SUGCT: variants seen among roughly 807,000 people sequenced by gnomAD.
SUGCT encodes succinyl-CoA:glutarate CoA-transferase.
Under a neutral mutation model 55.0 loss-of-function variants are expected in SUGCT, and 41 were observed. The observed-to-expected ratio is 0.74, with a 90% confidence interval of 0.58 to 0.97. The LOEUF (loss-of-function observed/expected upper bound fraction) is 0.97, where lower values mean the gene tolerates loss of function less well. Ranked by LOEUF, SUGCT falls within the 50% of genes least tolerant of loss-of-function variation. SUGCT has a pLI of 0.00. For missense variants in SUGCT, 568 were observed against 547.8 expected (o/e 1.04, Z -0.37); for synonymous variants, 187 against 200.4 (o/e 0.93, Z 0.56).
At chr7:40,913,432 A>G in the SUGCT span, among the ~76,000 whole-genome samples, 1 of 152,332 alleles carries the variant, frequency 6.6e-6, no homozygotes, top group Non-Finnish European at 1.5e-5. Flanking sequence ...GTAAATATAC[A>G]ATCTAAATAA....
chr7:40,650,186 A>G (rs565630576), intron 12 of SUGCT, among the ~76,000 whole-genome samples: 1 of 152,320 alleles, frequency 6.6e-6, no homozygotes, highest in East Asian at 1.9e-4. Flanking sequence ...TGCAGGTGAC[A>G]ACATGACAGC....
At chr7:40,579,436 G>A (rs567948296) in intron 12 of SUGCT, among the ~76,000 whole-genome samples, 14 of 152,218 alleles carry the variant, frequency 9.2e-5, no homozygotes, top group Non-Finnish European at 1.6e-4. Context: ...ACCCCCACAC[G>A]TCAGGCCCAC....
intron 12 of SUGCT, among the ~76,000 whole-genome samples, chr7:40,519,214 C>T (rs1171881182): frequency 6.6e-6 from 1 of 152,090 alleles, no homozygotes; most frequent in Non-Finnish European, 1.5e-5. Flanking sequence ...CAAGGAAAGA[C>T]TGAGTAACTG....
At chr7:40,965,500 T>C in the SUGCT span, 1 of 152,162 alleles carries the variant, frequency 6.6e-6, no homozygotes, top group Non-Finnish European at 1.5e-5. Context: ...AAGTAGAAAA[T>C]ATTTGGTAAT....
Position 40,314,559 on chromosome 7 carries a change from C to CTTTTTTTTT in SUGCT, c.721-2187_721-2179dup, listed in dbSNP as rs1292941632. Among the ~76,000 whole-genome samples, 2 of 108,728 alleles carry CTTTTTTTTT rather than the reference C, an allele frequency of 1.8e-5. 1 individual carries two copies. The highest frequency in any genetic ancestry group is 7.1e-4 in the South Asian group (2 of 2,836). The allele number at this position is 108,728 out of a possible 152,430, so 71.3% of individuals were successfully genotyped here. ...ATAACTCCTATTGCATCCCTTGTGT[C>CTTTTTTTTT]TTTTTTTTTTTTTTTTTTTTTTAAG... On this transcript the variant is annotated intron_variant, in intron 8 of 13. Transcript: ENST00000335693.
At chr7:40,437,396 T>C (rs1055101808) in intron 9 of SUGCT, among the ~76,000 whole-genome samples, 3 of 152,174 alleles carry the variant, frequency 2.0e-5, no homozygotes, top group Non-Finnish European at 4.4e-5. Context: ...GTATATAATG[T>C]TGCTTTCAAG....
chr7:41,004,929 T>C, the SUGCT span, among the ~76,000 whole-genome samples: 1 of 152,204 alleles, frequency 6.6e-6, no homozygotes, highest in Non-Finnish European at 1.5e-5. Flanking sequence ...AATATGTTTA[T>C]TGTGACATCG....
At chr7:40,432,243 C>G (rs983613580) in intron 9 of SUGCT, among the ~76,000 whole-genome samples, 1 of 152,134 alleles carries the variant, frequency 6.6e-6, no homozygotes, top group African/African-American at 2.4e-5. Flanking sequence ...TTTTTGCTGA[C>G]ATAGTATTCT....
At chr7:40,536,839 T>G (rs959600452) in intron 12 of SUGCT, among the ~76,000 whole-genome samples, 11 of 152,220 alleles carry the variant, frequency 7.2e-5, no homozygotes, top group African/African-American at 1.7e-4. Context: ...TCGTATGTGC[T>G]ACAGAATCAT....
intron 13 of SUGCT, among the ~76,000 whole-genome samples, chr7:40,830,491 C>T (rs981112724): frequency 7.2e-5 from 11 of 152,148 alleles, no homozygotes; most frequent in Non-Finnish European, 1.2e-4. Context: ...TGATTATTCC[C>T]TCTTCTTAGA....
chr7:40,469,105 C>T (rs954877852), intron 11 of SUGCT, among the ~76,000 whole-genome samples: 20 of 152,226 alleles, frequency 1.3e-4, no homozygotes, highest in Middle Eastern at 3.4e-3. Context: ...TTGTTTTCAC[C>T]CTCTGAAACT....
At chr7:40,276,273 C>G (rs1433231609) in intron 8 of SUGCT, among the ~76,000 whole-genome samples, 5 of 152,174 alleles carry the variant, frequency 3.3e-5, no homozygotes, top group Middle Eastern at 6.8e-3. Flanking sequence ...TGGGAGGGTG[C>G]AGAAAGTCTT....
chr7:40,847,915 T>C (rs1333800345), intron 13 of SUGCT, among the ~76,000 whole-genome samples: 1 of 152,186 alleles, frequency 6.6e-6, no homozygotes, highest in Non-Finnish European at 1.5e-5. Flanking sequence ...CAAATGAAGC[T>C]GTTACTGGCA....
At chr7:40,782,145 A>G (rs925302949) in intron 13 of SUGCT, among the ~76,000 whole-genome samples, 2 of 152,106 alleles carry the variant, frequency 1.3e-5, no homozygotes, top group African/African-American at 4.8e-5. Flanking sequence ...TTATTTTTTT[A>G]GAAGTACAGT....
At chr7:40,251,601 A>G (rs983600584) in intron 7 of SUGCT, among the ~76,000 whole-genome samples, 3 of 152,164 alleles carry the variant, frequency 2.0e-5, no homozygotes, top group Admixed American at 2.0e-4. Flanking sequence ...CCACTCCCAC[A>G]TGAAGGTACG....
the SUGCT span, among the ~76,000 whole-genome samples, chr7:40,945,579 G>T: frequency 5.3e-5 from 8 of 152,140 alleles, no homozygotes; most frequent in Non-Finnish European, 1.2e-4. Context: ...AAGTACCAGG[G>T]CTGCTTGACT....
intron 12 of SUGCT, among the ~76,000 whole-genome samples, chr7:40,695,215 ATTTT>A (rs1290828376): frequency 6.4e-5 from 9 of 140,114 alleles, no homozygotes; most frequent in African/African-American, 2.2e-4. Context: ...TTATTTATTT[ATTTT>A]GAGACAGGGT....
chr7:40,882,867 A>G, the SUGCT span, among the ~76,000 whole-genome samples: 1 of 152,150 alleles, frequency 6.6e-6, no homozygotes, highest in Admixed American at 6.5e-5. Flanking sequence ...ATCCTTGGTT[A>G]TTTCTCAGAA....
At chr7:40,810,595 A>AT (rs1176142553) in intron 13 of SUGCT, among the ~76,000 whole-genome samples, 3 of 152,034 alleles carry the variant, frequency 2.0e-5, no homozygotes, top group Non-Finnish European at 4.4e-5. Context: ...TCTTTTGCCC[A>AT]TTTTTTAATG....
Sources: allele counts gnomAD v4.1 joint callset (sites outside exome capture counted in the v4.1 genomes callset), GRCh38; gene constraint gnomAD v4.1.1; transcripts MANE v1.5; gene names NCBI Gene and HGNC (gene_info 2026-07-23, HGNC 2026-07-21).